The following SLC44A1 variants were observed in gnomAD, a reference collection of about 807,000 sequenced individuals.
SLC44A1 encodes solute carrier family 44 member 1.
Under a neutral mutation model 79.3 loss-of-function variants are expected in SLC44A1, and 26 were observed. The observed-to-expected ratio is 0.33, with a 90% CI of 0.24 to 0.46. SLC44A1 has a LOEUF of 0.46. Among genes scored for constraint, SLC44A1 ranks in the 20% least tolerant of loss-of-function variants. SLC44A1 has a pLI of 1.00. For missense variants in SLC44A1, 688 were observed against 798.1 expected, an observed-to-expected ratio of 0.86 and a Z score of 1.66; for synonymous variants, 263 against 286.2, an observed-to-expected ratio of 0.92 and a Z score of 0.82.
downstream of SLC44A1, among the ~76,000 whole-genome samples, chr9:105,397,714 G>A (rs1828902627): frequency 6.6e-6 from 1 of 152,156 alleles, no homozygotes; most frequent in South Asian, 2.1e-4. Context: ...GGAGGCCGAG[G>A]CGGACAGATC....
At position 105,395,165 on chromosome 9, in the gene SLC44A1, G is replaced by A; in HGVS notation, c.*6109G>A. On this transcript the variant is annotated 3_prime_UTR_variant, in exon 16 of 16. Transcript: ENST00000374720. ...ACTGGCTGGTGAAGAAAGGAGAAAAGTCAGCCCCCTACCCCACCCCACACT... is the reference window on the plus strand; with the variant it reads ...ACTGGCTGGTGAAGAAAGGAGAAAAATCAGCCCCCTACCCCACCCCACACT... The A allele has an allele frequency of 8.1e-6, 8 of 985,468 alleles. No homozygotes were observed. Among genetic ancestry groups the A allele is most frequent in the Non-Finnish European group, 8.4e-6 (7 of 829,974 alleles). 61.0% of individuals were successfully genotyped at this position (985,468 alleles called of 1,614,324 possible).
In SLC44A1 at chr9:105,407,474, T is replaced by C. The variant is rs1308313627; in HGVS notation, c.1950+21972T>C. Among the ~76,000 whole-genome samples the C allele has an allele frequency of 3.3e-5, 5 of 152,204 alleles. No individual in the cohort carries two copies. In the South Asian group the frequency reaches 8.3e-4, roughly 25 times the overall value. On this transcript the variant is annotated intron_variant, in intron 15 of 15. Coordinates refer to the SLC44A1 transcript ENST00000374724. ...AGTGATCCTTAATAAGATTATTCCCTGATTTATCAGAATGAGGGATGATGT... is the reference window on the plus strand; with the variant it reads ...AGTGATCCTTAATAAGATTATTCCCCGATTTATCAGAATGAGGGATGATGT...
At chr9:105,341,755 C>G (rs1276353052) in intron 4 of SLC44A1, among the ~76,000 whole-genome samples, 1 of 152,184 alleles carries the variant, frequency 6.6e-6, no homozygotes, top group Non-Finnish European at 1.5e-5. Context: ...ACACTTTATC[C>G]TCAATTCTGT....
intron 11 of SLC44A1, among the ~76,000 whole-genome samples, chr9:105,366,058 T>G (rs1229443083): frequency 2.0e-5 from 3 of 152,232 alleles, no homozygotes; most frequent in Admixed American, 2.0e-4. Context: ...TATATTCTGA[T>G]TCTAACCTTT....
rs1460348869 is a variant in SLC44A1, at chr9:105,391,596, T to A, written c.*2540T>A. 1.0e-6 allele frequency: 1 copy of A among 985,118 alleles called. No individual in the cohort carries two copies. Among genetic ancestry groups the A allele is most frequent in the Admixed American group, 6.2e-5 (1 of 16,260 alleles). 61.0% of individuals were successfully genotyped at this position (985,118 alleles called of 1,614,324 possible). ...GAGCTTTATTCCTTGATTAATTTGA[T>A]AAAGCCTCACAGAGGATTTTAAGCA... On this transcript the variant is annotated 3_prime_UTR_variant, in exon 16 of 16. Transcript: ENST00000374720.
At chr9:105,255,525 T>C (rs1356464857) in intron 1 of SLC44A1, among the ~76,000 whole-genome samples, 2 of 152,236 alleles carry the variant, frequency 1.3e-5, no homozygotes, top group African/African-American at 4.8e-5. Context: ...TAAAACATCA[T>C]ATATTTGCTG....
intron 1 of SLC44A1, among the ~76,000 whole-genome samples, chr9:105,280,562 G>A (rs1031638298): frequency 9.2e-5 from 14 of 152,140 alleles, no homozygotes; most frequent in African/African-American, 1.2e-4. Context: ...CACACTATAC[G>A]TCAAAATAAA....
intron 1 of SLC44A1, among the ~76,000 whole-genome samples, chr9:105,259,308 G>A (rs536352484): frequency 1.3e-5 from 2 of 152,282 alleles, no homozygotes; most frequent in Non-Finnish European, 2.9e-5. Context: ...ATATTTATAT[G>A]TTTAGTCAGT....
intron 1 of SLC44A1, among the ~76,000 whole-genome samples, chr9:105,252,227 C>G (rs1829605262): frequency 6.6e-6 from 1 of 151,970 alleles, no homozygotes; most frequent in Non-Finnish European, 1.5e-5. Context: ...ACTCTGTGTC[C>G]CTTTACAGAA....
chr9:105,362,994 T>G lies in SLC44A1; in HGVS notation c.1074T>G (p.Phe358Leu). Residue 358 changes from phenylalanine to leucine, a missense_variant, in exon 9 of 16, where the codon TTT becomes TTG. Coordinates refer to ENST00000374720, the MANE Select transcript of SLC44A1 (RefSeq NM_080546.5). ...FWVYWIMTLL[F>L]LGTTGSPVQN... is the part of the protein sequence containing the mutation. ...TGTACTGGATCATGACACTTCTTTTTCTTGGCACTACCGGTAAGAAGATAA... is the reference window on the plus strand; with the variant it reads ...TGTACTGGATCATGACACTTCTTTTGCTTGGCACTACCGGTAAGAAGATAA... The G allele has an allele frequency of 6.2e-7, 1 of 1,606,922 alleles. No individual in the cohort carries two copies. The highest frequency in any genetic ancestry group is 8.5e-7 in the Non-Finnish European group (1 of 1,177,366).
chr9:105,394,024 T>C lies in SLC44A1; in HGVS notation c.*4968T>C. ...ATTTTGAAGAGACAATGGGTCTCTT[T>C]GAGCTTAAGAAAGCTATGGACTATC... On this transcript the variant is annotated 3_prime_UTR_variant, in exon 16 of 16. Transcript: ENST00000374720. 1 of 985,002 alleles carries C rather than the reference T, an allele frequency of 1.0e-6. No homozygotes were observed. The highest frequency in any genetic ancestry group is 1.2e-6 in the Non-Finnish European group (1 of 829,506). 61.0% of individuals were successfully genotyped at this position (985,002 alleles called of 1,614,324 possible). A position where few individuals can be genotyped will look rare whatever the true frequency, so the allele number is the denominator to read the frequency against.
intron 3 of SLC44A1, among the ~76,000 whole-genome samples, chr9:105,312,399 G>T (rs979022942): frequency 7.2e-5 from 11 of 152,144 alleles, no homozygotes; most frequent in African/African-American, 2.4e-4. Flanking sequence ...TGTTAAATGT[G>T]TATTCTAAGT....
intron 15 of SLC44A1, among the ~76,000 whole-genome samples, chr9:105,437,541 C>G (rs926044568): frequency 1.3e-5 from 2 of 151,906 alleles, no homozygotes; most frequent in South Asian, 4.2e-4. Flanking sequence ...TTTTGGATCA[C>G]TTGAGAATAA....
chr9:105,395,368 G>T lies in SLC44A1; in HGVS notation c.*6312G>T. The T allele has an allele frequency of 2.9e-6, 1 of 340,998 alleles. No homozygotes were observed. Among genetic ancestry groups the T allele is most frequent in the Admixed American group, 6.4e-5 (1 of 15,514 alleles). The allele number at this position is 340,998 out of a possible 1,614,324, so 21.1% of individuals were successfully genotyped here. A position where few individuals can be genotyped will look rare whatever the true frequency, so the allele number is the denominator to read the frequency against. On this transcript the variant is annotated 3_prime_UTR_variant, in exon 16 of 16. Coordinates refer to ENST00000374720, the MANE Select transcript of SLC44A1 (RefSeq NM_080546.5). ...TGAGTAGCTGGGACCACAGGCATGT[G>T]CCACCACACCCAGCTAATTTTTGTA... is the stretch of plus-strand genomic sequence containing the variant.
chr9:105,321,371 T>G (rs1399793586), intron 3 of SLC44A1, among the ~76,000 whole-genome samples: 1 of 152,228 alleles, frequency 6.6e-6, no homozygotes, highest in Non-Finnish European at 1.5e-5. Context: ...AAATAGATTT[T>G]GTTATAGGTT....
chr9:105,291,273 G>T (rs1830595794), intron 1 of SLC44A1, among the ~76,000 whole-genome samples: 2 of 152,238 alleles, frequency 1.3e-5, no homozygotes, highest in Non-Finnish European at 2.9e-5. Flanking sequence ...GAGCTTTAAA[G>T]ATTCTGAGTG....
chr9:105,411,213 A>C (rs774630253), intron 15 of SLC44A1, among the ~76,000 whole-genome samples: 1 of 152,226 alleles, frequency 6.6e-6, no homozygotes, highest in Non-Finnish European at 1.5e-5. Context: ...CAGAATAAAA[A>C]TAAAGACATA....
chr9:105,332,123 T>C (rs570090853), intron 3 of SLC44A1, among the ~76,000 whole-genome samples: 67 of 148,814 alleles, frequency 4.5e-4, no homozygotes, highest in Admixed American at 1.3e-3. Context: ...TGTTTCTTTT[T>C]TTTTTTTTTT....
chr9:105,406,916 A>G (rs1330654141), intron 15 of SLC44A1, among the ~76,000 whole-genome samples: 1 of 152,194 alleles, frequency 6.6e-6, no homozygotes, highest in Non-Finnish European at 1.5e-5. Flanking sequence ...GAAGACATCA[A>G]TAAAAATATA....
Sources: gnomAD v4.1 joint callset for allele counts (sites outside exome capture counted in the v4.1 genomes callset) on GRCh38, gnomAD v4.1.1 for gene constraint, MANE v1.5 for transcripts, NCBI Gene and HGNC (gene_info 2026-07-23, HGNC 2026-07-21) for gene names.